PIP5K1A: variants seen among roughly 807,000 people sequenced by gnomAD.
The protein encoded by PIP5K1A is phosphatidylinositol 4-phosphate 5-kinase type-1 alpha.
Under a neutral mutation model 72.9 loss-of-function variants are expected in PIP5K1A, and 46 were observed. That is an observed-to-expected ratio of 0.63 (90% CI 0.50 to 0.81). The LOEUF (loss-of-function observed/expected upper bound fraction) is 0.81, where lower values mean the gene tolerates loss of function less well. PIP5K1A is among the 30% of genes least tolerant of loss of function. PIP5K1A has a pLI of 0.00. For synonymous variants in PIP5K1A, 228 were observed against 255.1 expected (o/e 0.89, Z 1.01); for missense variants, 458 against 706.1 (o/e 0.65, Z 3.98).
chr1:151,244,968 A>T (rs1386338015), intron 14 of PIP5K1A, among the ~76,000 whole-genome samples: 2 of 137,490 alleles, frequency 1.5e-5, no homozygotes, highest in African/African-American at 5.5e-5. Context: ...GAGATGTCTC[A>T]TTGTGTTAAC....
At chr1:151,214,860 G>A (rs999156290) in intron 1 of PIP5K1A, among the ~76,000 whole-genome samples, 1 of 151,866 alleles carries the variant, frequency 6.6e-6, no homozygotes, top group African/African-American at 2.4e-5. Context: ...GGGACTACAG[G>A]CTTGCGCCAC....
intron 8 of PIP5K1A, among the ~76,000 whole-genome samples, chr1:151,235,117 T>A (rs587752518): frequency 1.3e-5 from 2 of 152,302 alleles, no homozygotes; most frequent in South Asian, 4.1e-4. Flanking sequence ...AGTTTCACTC[T>A]TGTCACCCAG....
chr1:151,231,565 A>G, intron 4 of PIP5K1A, 106 bp from the exon 5 acceptor site: 1 of 952,862 alleles, frequency 1.0e-6, no homozygotes, highest in Admixed American at 1.9e-5. Flanking sequence ...CTCAGACTAA[A>G]GGATGTTTGT....
At chr1:151,201,641 G>A (rs983241663) in intron 1 of PIP5K1A, among the ~76,000 whole-genome samples, 2 of 151,816 alleles carry the variant, frequency 1.3e-5, no homozygotes, top group African/African-American at 4.8e-5. Flanking sequence ...CAGGCATATC[G>A]CAAGGTCAGG....
At chr1:151,217,093 A>G (rs1479105049) in intron 1 of PIP5K1A, among the ~76,000 whole-genome samples, 2 of 151,962 alleles carry the variant, frequency 1.3e-5, no homozygotes, top group Non-Finnish European at 2.9e-5. Context: ...TTGTATTTTT[A>G]GTAGAGACAG....
At chr1:151,235,871 C>G (rs1690770061) in intron 8 of PIP5K1A, among the ~76,000 whole-genome samples, 1 of 152,082 alleles carries the variant, frequency 6.6e-6, no homozygotes, top group Non-Finnish European at 1.5e-5. Flanking sequence ...GCCTGTAATC[C>G]CAGCACTTTG....
chr1:151,225,042 T>C (rs1259666558), intron 3 of PIP5K1A, among the ~76,000 whole-genome samples: 1 of 152,170 alleles, frequency 6.6e-6, no homozygotes, highest in East Asian at 1.9e-4. Flanking sequence ...GGTCTTAAGA[T>C]TGGGACATCC....
At chr1:151,230,006 T>G (rs374821097) in intron 4 of PIP5K1A, among the ~76,000 whole-genome samples, 32 of 152,034 alleles carry the variant, frequency 2.1e-4, no homozygotes, top group African/African-American at 7.7e-4. Context: ...GAGAATGGTG[T>G]CAACCAGGGA....
In PIP5K1A at chr1:151,247,359, C is replaced by T. The variant is rs915856246; in HGVS notation, c.1686+394C>T. 1.6e-4 allele frequency among the ~76,000 whole-genome samples: 24 copies of T among 151,950 alleles called. 1 individual carries two copies. Among genetic ancestry groups the T allele is most frequent in the Admixed American group, 1.1e-3 (16 of 15,238 alleles). ...GGACAGGCTGGTCTTGAACTCCTGA[C>T]GTCGTGATCTGCCCACCTTGGCCTC... is the stretch of plus-strand genomic sequence containing the variant. On this transcript the variant is annotated intron_variant, in intron 15 of 15. Coordinates refer to ENST00000368888, the MANE Select transcript of PIP5K1A (RefSeq NM_001135638.2).
At chr1:151,247,047 T>G (rs976440796) in intron 15 of PIP5K1A, 82 bp downstream of exon 15, 1 of 873,656 alleles carries the variant, frequency 1.1e-6, no homozygotes, top group Non-Finnish European at 1.8e-6. Flanking sequence ...GGAAGTTAAT[T>G]GTCAAGATTA....
intron 12 of PIP5K1A, among the ~76,000 whole-genome samples, chr1:151,240,629 G>A (rs962079821): frequency 1.3e-5 from 2 of 152,108 alleles, no homozygotes; most frequent in African/African-American, 4.8e-5. Context: ...CCAGTCTTAA[G>A]GGATATGGAA....
rs1196324834 is a variant in PIP5K1A at position 151,248,583 on chromosome 1, GA to G, written c.*720del. 3 of 152,572 alleles carry G rather than the reference GA, an allele frequency of 2.0e-5. No homozygotes were observed. Among genetic ancestry groups the G allele is most frequent in the African/African-American group, 7.2e-5 (3 of 41,422 alleles). The allele number at this position is 152,572 out of a possible 1,614,324, so 9.5% of individuals were successfully genotyped here. On this transcript the variant is annotated 3_prime_UTR_variant, in exon 16 of 16. Transcript: ENST00000368888. The stretch of plus-strand genomic sequence containing the variant: ...CTCTTTAAACTCCTCCTCTCTTGAT[GA>G]ATTTCTTAAGGCTGAAGGAATGAAG...
intron 1 of PIP5K1A, among the ~76,000 whole-genome samples, chr1:151,208,361 CT>C (rs11340275): frequency 0.62 from 77,549 of 125,648 alleles, 22,746 homozygotes; most frequent in Middle Eastern, 0.66. Context: ...GTTTTCTTTT[CT>C]TTTTTTTTTT....
intron 1 of PIP5K1A, among the ~76,000 whole-genome samples, chr1:151,210,333 C>A (rs1686621006): frequency 6.6e-6 from 1 of 151,362 alleles, no homozygotes; most frequent in African/African-American, 2.4e-5. Flanking sequence ...GGATTACAGG[C>A]ATGGGCCACC....
chr1:151,212,808 C>T (rs979623088), intron 1 of PIP5K1A, among the ~76,000 whole-genome samples: 4 of 149,692 alleles, frequency 2.7e-5, no homozygotes, highest in South Asian at 2.1e-4. Flanking sequence ...CTCTTGACCT[C>T]GTGATCTGCC....
chr1:151,223,133 C>T (rs1385304394), intron 1 of PIP5K1A, among the ~76,000 whole-genome samples: 1 of 150,884 alleles, frequency 6.6e-6, no homozygotes, highest in East Asian at 2.0e-4. Context: ...GGTGGATCAC[C>T]TGAGGTCAGG....
Position 151,199,074 on chromosome 1 carries a change from G to C in PIP5K1A, c.78G>C (p.Leu26Phe). 1 of 1,614,094 alleles carries C rather than the reference G, an allele frequency of 6.2e-7. No homozygotes were observed. Among genetic ancestry groups the C allele is most frequent in the South Asian group, 1.1e-5 (1 of 91,084 alleles). ...ATCCCGCGGTCCCTTCCTGTACCTT[G>C]TCCTCAGGTAAGCCCGGCAGGGCGT... ...SFDPAVPSCT[L>F]SSAASGIKRP... The change falls in exon 1 of 16, where the codon TTG becomes TTC. Residue 26 changes from leucine to phenylalanine, a missense_variant. Physicochemically the swap from Leu to Phe is conservative, Grantham distance 22 (BLOSUM62 0). This residue lies in a region of PIP5K1A where 81 missense variants were observed against 88.0 expected (regional missense o/e 0.92). Transcript: ENST00000368888.
chr1:151,246,609 A>T (rs1692548751), intron 14 of PIP5K1A, among the ~76,000 whole-genome samples: 1 of 152,178 alleles, frequency 6.6e-6, no homozygotes, highest in Non-Finnish European at 1.5e-5. Flanking sequence ...TTGAGAGAGA[A>T]TTACACAATG....
intron 1 of PIP5K1A, among the ~76,000 whole-genome samples, chr1:151,216,314 A>C (rs1190312928): frequency 2.0e-5 from 3 of 148,110 alleles, no homozygotes; most frequent in Non-Finnish European, 3.0e-5. Context: ...GTGCCACTGC[A>C]CTCCAGCCTG....
Sources: gnomAD v4.1 joint callset for allele counts (sites outside exome capture counted in the v4.1 genomes callset) on GRCh38, gnomAD v4.1.1 for gene constraint, gnomAD v4.1.1 regional missense constraint, MANE v1.5 for transcripts, NCBI Gene and HGNC (gene_info 2026-07-23, HGNC 2026-07-21) for gene names.